MYO5A: variants seen among roughly 807,000 people sequenced by gnomAD.
MYO5A encodes the protein unconventional myosin-Va.
A neutral mutation model predicts 249.7 loss-of-function variants in MYO5A; 98 were observed. That is an observed-to-expected ratio of 0.39 (90% CI 0.33 to 0.46). The LOEUF is 0.46. Ranked by LOEUF, MYO5A falls within the 20% of genes least tolerant of loss-of-function variation. MYO5A has a pLI of 0.98. For missense variants in MYO5A, 1,696 were observed against 2,308.8 expected, an observed-to-expected ratio of 0.73 and a Z score of 5.44; for synonymous variants, 778 against 810.6, an observed-to-expected ratio of 0.96 and a Z score of 0.68.
chr15:52,443,332 G>T (rs193122814), intron 1 of MYO5A, among the ~76,000 whole-genome samples: 2 of 152,176 alleles, frequency 1.3e-5, no homozygotes, highest in African/African-American at 2.4e-5. Context: ...TTTAATGAAT[G>T]AGCTCAGGTT....
chr15:52,329,061 C>T (rs1272699389), intron 35 of MYO5A: 1 of 152,084 alleles, frequency 6.6e-6, no homozygotes, highest in Non-Finnish European at 1.5e-5. Flanking sequence ...TTCTTTATTT[C>T]TCCCCTGGAA....
At chr15:52,461,970 A>C (rs1311042596) in intron 1 of MYO5A, among the ~76,000 whole-genome samples, 1 of 151,038 alleles carries the variant, frequency 6.6e-6, no homozygotes, top group East Asian at 2.0e-4. Context: ...ATCTCAAAAA[A>C]AAAAAAGTTT....
intron 25 of MYO5A, among the ~76,000 whole-genome samples, chr15:52,357,759 T>G (rs2040317448): frequency 1.3e-5 from 2 of 152,180 alleles, no homozygotes; most frequent in South Asian, 4.2e-4. Flanking sequence ...GAAGGAAGAT[T>G]GGGCCATCTG....
chr15:52,423,121 C>T (rs142947236), intron 4 of MYO5A, among the ~76,000 whole-genome samples: 6 of 152,204 alleles, frequency 3.9e-5, no homozygotes, highest in African/African-American at 9.6e-5. Context: ...GGCGTTTGGA[C>T]GGTGTTCAAT....
In MYO5A at chr15:52,469,552, C is replaced by A. The variant is rs79731534; in HGVS notation, c.28-36267G>T. 3.0e-3 allele frequency among the ~76,000 whole-genome samples: 458 copies of A among 152,190 alleles called. 5 individuals carry two copies. Among genetic ancestry groups the A allele is most frequent in the African/African-American group, 0.011 (446 of 41,534 alleles). ...ACAGAGGCAGCAGAGATAGAGGAGA[C>A]AGAAGGGGAGGCAGGAGAAACAGGC... On this transcript the variant is annotated intron_variant, in intron 1 of 41. Transcript: ENST00000399233.
chr15:52,494,731 G>A (rs1322302114), intron 1 of MYO5A, among the ~76,000 whole-genome samples: 1 of 152,130 alleles, frequency 6.6e-6, no homozygotes, highest in Admixed American at 6.5e-5. Context: ...GACCTCAGGT[G>A]ATCCACCCAC....
At chr15:52,364,187 G>A (rs1048575556) in intron 24 of MYO5A, among the ~76,000 whole-genome samples, 6 of 151,556 alleles carry the variant, frequency 4.0e-5, no homozygotes, top group African/African-American at 4.9e-5. Flanking sequence ...GCAGTGAGCC[G>A]AGATTGTGCC....
intron 1 of MYO5A, among the ~76,000 whole-genome samples, chr15:52,435,854 C>T (rs904462351): frequency 1.3e-5 from 2 of 152,194 alleles, no homozygotes; most frequent in African/African-American, 2.4e-5. Flanking sequence ...ATATCACCAT[C>T]GTTTTACAAA....
intron 1 of MYO5A, among the ~76,000 whole-genome samples, chr15:52,455,223 T>C (rs2076094687): frequency 6.6e-6 from 1 of 151,954 alleles, no homozygotes; most frequent in Non-Finnish European, 1.5e-5. Context: ...AATAAATTGA[T>C]AATTCCTGGA....
chr15:52,505,201 G>A, intron 1 of MYO5A: 1 of 769,484 alleles, frequency 1.3e-6, no homozygotes. Flanking sequence ...GGGTTTTGGA[G>A]ACCTGAAAAG....
chr15:52,325,402 C>A (rs377095075), intron 36 of MYO5A, among the ~76,000 whole-genome samples: 33 of 150,600 alleles, frequency 2.2e-4, no homozygotes, highest in African/African-American at 7.7e-4. Context: ...TTTGCTAAGC[C>A]CCCCACTTTT....
chr15:52,480,240 C>T (rs2076687940), intron 1 of MYO5A, among the ~76,000 whole-genome samples: 1 of 152,140 alleles, frequency 6.6e-6, no homozygotes, highest in South Asian at 2.1e-4. Context: ...ACTTGACTGG[C>T]AAACATCTAC....
At chr15:52,458,495 C>T (rs144725435) in intron 1 of MYO5A, among the ~76,000 whole-genome samples, 251 of 152,008 alleles carry the variant, frequency 1.7e-3, no homozygotes, top group African/African-American at 5.9e-3. Flanking sequence ...TGGCATGCAC[C>T]TGTAGTCCCC....
At chr15:52,349,938 TTATGA>T (rs2039855447) in intron 28 of MYO5A, among the ~76,000 whole-genome samples, 1 of 152,128 alleles carries the variant, frequency 6.6e-6, no homozygotes, top group Non-Finnish European at 1.5e-5. Context: ...ATGATTATGA[TTATGA>T]TTAGTTTGAG....
At chr15:52,372,604 T>C (rs976303195) in intron 20 of MYO5A, among the ~76,000 whole-genome samples, 2 of 152,216 alleles carry the variant, frequency 1.3e-5, no homozygotes, top group African/African-American at 2.4e-5. Flanking sequence ...AAATGTGTCA[T>C]ATGCACATAT....
chr15:52,397,091 T>C, intron 10 of MYO5A, 110 bp downstream of exon 10: 3 of 1,332,772 alleles, frequency 2.3e-6, no homozygotes, highest in Non-Finnish European at 3.2e-6. Context: ...ATAGGCAAAG[T>C]TTCCCTTCTC....
intron 9 of MYO5A, among the ~76,000 whole-genome samples, chr15:52,404,984 G>A (rs557947740): frequency 6.0e-4 from 91 of 151,782 alleles, no homozygotes; most frequent in African/African-American, 2.1e-3. Flanking sequence ...CTGATCTTGT[G>A]GGGCCACATC....
intron 1 of MYO5A, among the ~76,000 whole-genome samples, chr15:52,481,243 G>C (rs914805134): frequency 1.3e-5 from 2 of 152,200 alleles, no homozygotes; most frequent in African/African-American, 4.8e-5. Context: ...GTATGTCCTT[G>C]CTGAAGATCT....
At chr15:52,448,459 A>ACTAG (rs1358484826) in intron 1 of MYO5A, among the ~76,000 whole-genome samples, 1 of 152,194 alleles carries the variant, frequency 6.6e-6, no homozygotes, top group Non-Finnish European at 1.5e-5. Flanking sequence ...GGCAAAAGGG[A>ACTAG]CTAGCCTTGT....
Sources: gnomAD v4.1 joint callset for allele counts (sites outside exome capture counted in the v4.1 genomes callset) on GRCh38, gnomAD v4.1.1 for gene constraint, MANE v1.5 for transcripts, NCBI Gene and HGNC (gene_info 2026-07-23, HGNC 2026-07-21) for gene names.